ING1: variants seen among roughly 807,000 people sequenced by gnomAD.
ING1 encodes the protein inhibitor of growth family member 1.
Under a neutral mutation model 23.1 loss-of-function variants are expected in ING1, and 4 were observed. The observed-to-expected ratio is 0.17, with a 90% CI of 0.09 to 0.40. The LOEUF (loss-of-function observed/expected upper bound fraction) is 0.40, where lower values mean the gene tolerates loss of function less well. ING1 is among the 10% of genes least tolerant of loss of function. ING1 has a pLI of 1.00. For missense variants in ING1, 256 were observed against 393.8 expected, an observed-to-expected ratio of 0.65 and a Z score of 2.96; for synonymous variants, 179 against 166.4, an observed-to-expected ratio of 1.08 and a Z score of -0.58.
rs2064074830 is a variant in ING1 at position 110,713,971 on chromosome 13, G to A, written c.-179G>A. On this transcript the variant is annotated 5_prime_UTR_variant, in exon 1 of 2. Transcript: ENST00000333219. ...CGCGCCCTCAGGCGCTGGGGTCCCCGCGGACCCGGAGGCGGCGGACGGGCT... is the reference window on the plus strand; with the variant it reads ...CGCGCCCTCAGGCGCTGGGGTCCCCACGGACCCGGAGGCGGCGGACGGGCT... 30 of 1,065,974 alleles carry A rather than the reference G, an allele frequency of 2.8e-5. No homozygotes were observed. The highest frequency in any genetic ancestry group is 3.3e-5 in the Non-Finnish European group (29 of 882,326). The allele number at this position is 1,065,974 out of a possible 1,614,324, so 66.0% of individuals were successfully genotyped here.
At chr13:110,713,124 G>A (rs2139961688), upstream of ING1, 2 of 1,429,132 alleles carry the variant, frequency 1.4e-6, no homozygotes, top group Non-Finnish European at 9.1e-7. Context: ...AGAGTCCGGG[G>A]GGCATTACTC....
At chr13:110,712,993 A>C, upstream of ING1, 1 of 1,547,664 alleles carries the variant, frequency 6.5e-7, no homozygotes. Flanking sequence ...TCTCCCGCGC[A>C]CTCTGCGGCC....
chr13:110,713,215 T>G (rs1205324513), upstream of ING1: 6 of 1,418,816 alleles, frequency 4.2e-6, no homozygotes, highest in African/African-American at 7.2e-5. Flanking sequence ...CGGTTGCCAG[T>G]TCTGTTTCGG....
chr13:110,713,614 G>T, upstream of ING1: 3 of 984,838 alleles, frequency 3.0e-6, no homozygotes, highest in Non-Finnish European at 3.6e-6. Context: ...GGCGGGGGGC[G>T]GGGCCGTTGC....
intron 1 of ING1, chr13:110,715,537 C>T: frequency 1.2e-6 from 2 of 1,614,156 alleles, no homozygotes; most frequent in Non-Finnish European, 1.7e-6. Context: ...TGGTATGGGT[C>T]TGTGTTTCCG....
chr13:110,715,414 C>G, intron 1 of ING1: 1 of 1,541,340 alleles, frequency 6.5e-7, no homozygotes, highest in Non-Finnish European at 8.8e-7. Context: ...TATGGAACGT[C>G]CCGCCTCAGC....
At chr13:110,715,281 GCAAAAAAAAAAA>G in intron 1 of ING1, 1 of 1,380,666 alleles carries the variant, frequency 7.2e-7, no homozygotes. Flanking sequence ...TTGGGTGGGG[GCAAAAAAAAAAA>G]TTGACCGCTA....
At chr13:110,716,192 G>A (rs2064121708) in intron 1 of ING1, among the ~76,000 whole-genome samples, 1 of 152,226 alleles carries the variant, frequency 6.6e-6, no homozygotes, top group Non-Finnish European at 1.5e-5. Flanking sequence ...CGGGGTGCAG[G>A]GTTCCAGCTG....
intron 1 of ING1, chr13:110,714,867 C>T: frequency 1.0e-5 from 6 of 597,934 alleles, no homozygotes; most frequent in South Asian, 7.2e-5. Context: ...CCGGCCCTCA[C>T]TTGGAGCTGG....
Position 110,717,830 on chromosome 13 carries a change from A to G in ING1, c.137-1399A>G, listed in dbSNP as rs138307708. 2.9e-3 allele frequency among the ~76,000 whole-genome samples: 447 copies of G among 152,298 alleles called. 3 individuals carry two copies. Among genetic ancestry groups the G allele is most frequent in the African/African-American group, 0.01 (429 of 41,560 alleles). ...ACAAGAGTGAAACTCCGTTTCAACA[A>G]CAACAAAAAAAGGTAGTATTGTTGC... On this transcript the variant is annotated intron_variant, in intron 1 of 1. Coordinates refer to ENST00000333219, the MANE Select transcript of ING1 (RefSeq NM_198219.3).
At chr13:110,713,169 C>T, upstream of ING1, 1 of 1,428,772 alleles carries the variant, frequency 7.0e-7, no homozygotes, top group Admixed American at 2.9e-5. Flanking sequence ...CGTGATTGGG[C>T]TGTCAAAGTG....
upstream of ING1, chr13:110,713,562 C>T (rs2064065518): frequency 7.1e-6 from 7 of 986,004 alleles, no homozygotes; most frequent in South Asian, 4.6e-5. Flanking sequence ...CGGCCTGGAG[C>T]CCGCAGCCCC....
At chr13:110,718,048 A>G (rs114067718) in intron 1 of ING1, among the ~76,000 whole-genome samples, 92 of 152,336 alleles carry the variant, frequency 6.0e-4, no homozygotes, top group African/African-American at 2.2e-3. Context: ...CACTTGCCAA[A>G]TTACACTTTA....
At chr13:110,715,867 G>C (rs2064115487) in intron 1 of ING1, 1 of 1,595,640 alleles carries the variant, frequency 6.3e-7, no homozygotes, top group South Asian at 1.1e-5. Flanking sequence ...ATTTATAGCA[G>C]TAGCAGTGAT....
At chr13:110,717,503 T>A in intron 1 of ING1, among the ~76,000 whole-genome samples, 1 of 152,164 alleles carries the variant, frequency 6.6e-6, no homozygotes, top group African/African-American at 2.4e-5. Context: ...AGACAATCCC[T>A]CCCACTCTCA....
At chr13:110,717,278 A>G (rs1047916587) in intron 1 of ING1, among the ~76,000 whole-genome samples, 1 of 152,204 alleles carries the variant, frequency 6.6e-6, no homozygotes, top group African/African-American at 2.4e-5. Context: ...ATTAATTACT[A>G]TATGAGACTA....
chr13:110,719,988 T>C lies in ING1; in HGVS notation c.*56T>C, dbSNP rs1018746719. 6 of 1,274,018 alleles carry C rather than the reference T, an allele frequency of 4.7e-6. No homozygotes were observed. The highest frequency in any genetic ancestry group is 5.4e-6 in the Non-Finnish European group (5 of 923,724). The allele number at this position is 1,274,018 out of a possible 1,614,324, so 78.9% of individuals were successfully genotyped here. On this transcript the variant is annotated 3_prime_UTR_variant, in exon 2 of 2. Transcript: ENST00000333219. The surrounding 1 kb of genome is among the most constrained non-coding windows in gnomAD (Gnocchi z 8.9). ...CAAAATAAACCGTGTATTTATTACA[T>C]TGCTGCCTTTGTTGAGGTGCAAGGA...
In ING1 at chr13:110,719,578, G is replaced by C; in HGVS notation, c.486G>C (p.Ala162=). The change falls in exon 2 of 2, where the codon GCG becomes GCC. Residue 162 remains alanine, a synonymous_variant. Transcript: ENST00000333219. This position sits in a 1 kb window ranked among gnomAD's most constrained non-coding sequence, Gnocchi z 8.9. ...GCAACAACGAGAACCGTGAGAACGC[G>C]TCCAGCAACCACGACCACGACGACG... is the stretch of plus-strand genomic sequence containing the variant. ...RQRNNENREN[A]SSNHDHDDGA... 1.2e-6 allele frequency: 2 copies of C among 1,611,434 alleles called. No homozygotes were observed. The highest frequency in any genetic ancestry group is 1.7e-6 in the Non-Finnish European group (2 of 1,179,312).
chr13:110,718,482 T>C (rs996050824), intron 1 of ING1, among the ~76,000 whole-genome samples: 17 of 152,224 alleles, frequency 1.1e-4, no homozygotes, highest in Admixed American at 7.2e-4. Flanking sequence ...GTGGCAGAAC[T>C]GTTCTTGCTG....
Sources: gnomAD v4.1 joint callset for allele counts (sites outside exome capture counted in the v4.1 genomes callset) on GRCh38, gnomAD v4.1.1 for gene constraint, Gnocchi (gnomAD v3.1) non-coding constraint, MANE v1.5 for transcripts, NCBI Gene and HGNC (gene_info 2026-07-23, HGNC 2026-07-21) for gene names.